Variants in ULK4 observed in about 807,000 individuals in gnomAD.
ULK4 encodes the protein inactive serine/threonine-protein kinase ULK4.
A neutral mutation model predicts 160.6 loss-of-function variants in ULK4; 133 were observed. That is an observed-to-expected ratio of 0.83 (90% CI 0.72 to 0.96). The LOEUF (loss-of-function observed/expected upper bound fraction) is 0.96, where lower values mean the gene tolerates loss of function less well. Among genes scored for constraint, ULK4 ranks in the 40% least tolerant of loss-of-function variants. The probability of loss-of-function intolerance (pLI) is 0.00; values close to 1 mark genes in which losing one functional copy is unlikely to be tolerated. For missense variants in ULK4, 1,580 were observed against 1,499.5 expected (o/e 1.05, Z -0.89); for synonymous variants, 534 against 539.8 (o/e 0.99, Z 0.15).
intron 35 of ULK4, among the ~76,000 whole-genome samples, chr3:41,334,832 T>C (rs978968488): frequency 3.9e-5 from 6 of 152,272 alleles, no homozygotes; most frequent in Admixed American, 2.0e-4. Context: ...AATTAACTTC[T>C]GTTTTAATTC....
At chr3:41,524,228 T>C (rs1018347788) in intron 32 of ULK4, among the ~76,000 whole-genome samples, 2 of 152,210 alleles carry the variant, frequency 1.3e-5, no homozygotes, top group Admixed American at 6.5e-5. Flanking sequence ...CACTGAATTA[T>C]ACACTCTAAA....
intron 35 of ULK4, among the ~76,000 whole-genome samples, chr3:41,268,950 C>T (rs2079093020): frequency 6.6e-6 from 1 of 152,084 alleles, no homozygotes; most frequent in African/African-American, 2.4e-5. Context: ...CTCGCGAAGG[C>T]CCACCCTCAG....
chr3:41,448,499 T>C (rs1191817923), intron 34 of ULK4, among the ~76,000 whole-genome samples: 1 of 152,218 alleles, frequency 6.6e-6, no homozygotes, highest in African/African-American at 2.4e-5. Context: ...TTTGTAAGCC[T>C]GTTCAGAAGT....
chr3:41,866,698 G>T (rs1696898810), intron 17 of ULK4, among the ~76,000 whole-genome samples: 1 of 152,154 alleles, frequency 6.6e-6, no homozygotes, highest in South Asian at 2.1e-4. Context: ...ATATGCGCTT[G>T]TGTATGTGTG....
At position 41,663,622 on chromosome 3, in the gene ULK4, T is replaced by C. The variant is rs764516028; in HGVS notation, c.3056A>G (p.Asn1019Ser). The C allele has an allele frequency of 9.3e-6, 15 of 1,613,814 alleles. No homozygotes were observed. In the East Asian group the frequency reaches 2.9e-4, roughly 31 times the overall value. Residue 1019 changes from asparagine (N) to serine (S), a missense_variant, in exon 30 of 37, where the codon AAC becomes AGC. Transcript: ENST00000301831. ...LKLLVAMTEH[N>S]PTFTRLVEES... ...CTTCCAGTACCTTGTGAAAGTTGGG[T>C]TGTGTTCAGTCATCGCGACTAGCAG...
intron 34 of ULK4, among the ~76,000 whole-genome samples, chr3:41,406,260 C>G (rs1025507740): frequency 6.6e-6 from 1 of 152,114 alleles, no homozygotes; most frequent in African/African-American, 2.4e-5. Flanking sequence ...TTGACTTTGT[C>G]AAAGATCAGG....
chr3:41,559,696 A>G (rs979884163), intron 32 of ULK4, among the ~76,000 whole-genome samples: 10 of 152,068 alleles, frequency 6.6e-5, no homozygotes, highest in Non-Finnish European at 1.5e-4. Flanking sequence ...GTCTGTTCAT[A>G]TCCTTTGACC....
intron 30 of ULK4, among the ~76,000 whole-genome samples, chr3:41,660,914 A>G (rs535001923): frequency 3.3e-5 from 5 of 152,350 alleles, no homozygotes; most frequent in African/African-American, 1.2e-4. Flanking sequence ...TTGTATATCA[A>G]TATTCAAACT....
At chr3:41,341,254 C>T (rs1218999832) in intron 35 of ULK4, among the ~76,000 whole-genome samples, 3 of 152,214 alleles carry the variant, frequency 2.0e-5, no homozygotes, top group South Asian at 4.1e-4. Flanking sequence ...GGGAGGAACA[C>T]AGACTGATAT....
Position 41,413,686 on chromosome 3 carries a change from T to C in ULK4, c.3493-15422A>G, listed in dbSNP as rs548203918. The stretch of plus-strand genomic sequence containing the variant: ...TCCTTTCTGGGCAATGTACATCTTA[T>C]AAATAATTATATTTTCTTTTTTGTC... On this transcript the variant is annotated intron_variant, in intron 34 of 36. Transcript: ENST00000301831. Among the ~76,000 whole-genome samples the C allele has an allele frequency of 2.6e-5, 4 of 152,288 alleles. No homozygotes were observed. In the East Asian group the frequency reaches 5.8e-4, roughly 22 times the overall value.
intron 35 of ULK4, among the ~76,000 whole-genome samples, chr3:41,362,084 C>T (rs2081157358): frequency 6.6e-6 from 1 of 152,148 alleles, no homozygotes; most frequent in South Asian, 2.1e-4. Flanking sequence ...CCTCAATTAA[C>T]CAGAAGAGCC....
intron 5 of ULK4, among the ~76,000 whole-genome samples, chr3:41,929,685 A>G (rs1162293588): frequency 6.6e-6 from 1 of 152,190 alleles, no homozygotes; most frequent in Non-Finnish European, 1.5e-5. Flanking sequence ...GCATTCCTAT[A>G]CACCAATAAC....
chr3:41,757,618 C>A (rs1458595626), intron 21 of ULK4, among the ~76,000 whole-genome samples: 2 of 127,586 alleles, frequency 1.6e-5, no homozygotes, highest in Non-Finnish European at 3.1e-5. Flanking sequence ...CGCAACAGAG[C>A]GAGACTCTCT....
intron 32 of ULK4, among the ~76,000 whole-genome samples, chr3:41,466,594 C>T (rs900925336): frequency 6.6e-6 from 1 of 152,176 alleles, no homozygotes; most frequent in Admixed American, 6.5e-5. Context: ...GATTTTGCAA[C>T]TAGGTAGGCA....
chr3:41,274,046 C>A (rs773249222), intron 35 of ULK4, among the ~76,000 whole-genome samples: 1 of 151,902 alleles, frequency 6.6e-6, no homozygotes, highest in Non-Finnish European at 1.5e-5. Context: ...TATACTAACA[C>A]AAAACAAACT....
At chr3:41,570,204 C>T (rs536816736) in intron 31 of ULK4, among the ~76,000 whole-genome samples, 46 of 152,152 alleles carry the variant, frequency 3.0e-4, no homozygotes, top group Non-Finnish European at 5.9e-4. Context: ...CCATGTATGC[C>T]GTTGTTTAAC....
chr3:41,629,087 A>G (rs558119524), intron 30 of ULK4, among the ~76,000 whole-genome samples: 1 of 152,310 alleles, frequency 6.6e-6, no homozygotes, highest in South Asian at 2.1e-4. Context: ...CTTTTGCTGC[A>G]TAACTAGCTA....
intron 31 of ULK4, among the ~76,000 whole-genome samples, chr3:41,590,522 G>A (rs1478299838): frequency 1.4e-5 from 2 of 146,278 alleles, no homozygotes; most frequent in East Asian, 2.1e-4. Context: ...TGTAGTTCCA[G>A]CAACTTGGGT....
intron 31 of ULK4, among the ~76,000 whole-genome samples, chr3:41,608,095 C>T (rs1042741639): frequency 5.3e-5 from 8 of 152,120 alleles, no homozygotes; most frequent in Non-Finnish European, 1.2e-4. Context: ...ATAACTTGCC[C>T]CTATTGACTT....
Sources: gnomAD v4.1 joint callset for allele counts (sites outside exome capture counted in the v4.1 genomes callset) on GRCh38, gnomAD v4.1.1 for gene constraint, MANE v1.5 for transcripts, NCBI Gene and HGNC (gene_info 2026-07-23, HGNC 2026-07-21) for gene names.